The following HVCN1 variants were observed in gnomAD, a reference collection of about 807,000 sequenced individuals.
HVCN1 encodes hydrogen voltage gated channel 1.
Under a neutral mutation model 29.2 loss-of-function variants are expected in HVCN1, and 14 were observed. The observed-to-expected ratio is 0.48, with a 90% CI of 0.32 to 0.75. The LOEUF (loss-of-function observed/expected upper bound fraction) is 0.75, where lower values mean the gene tolerates loss of function less well. Ranked by LOEUF, HVCN1 falls within the 30% of genes least tolerant of loss-of-function variation. HVCN1 has a pLI of 0.04. For missense variants in HVCN1, 263 were observed against 341.8 expected (o/e 0.77, Z 1.82); for synonymous variants, 131 against 133.2 (o/e 0.98, Z 0.11).
chr12:110,653,716 C>T (rs911270423), intron 5 of HVCN1, among the ~76,000 whole-genome samples: 11 of 151,992 alleles, frequency 7.2e-5, no homozygotes, highest in Non-Finnish European at 1.5e-4. Context: ...GTGGCGGGCA[C>T]CTGTAATCCC....
intron 2 of HVCN1, among the ~76,000 whole-genome samples, chr12:110,685,689 G>GTT (rs2069153603): frequency 1.3e-5 from 2 of 150,996 alleles, no homozygotes; most frequent in Non-Finnish European, 3.0e-5. Flanking sequence ...TTTTGTTGTT[G>GTT]TTGTTTTGTT....
chr12:110,703,532 A>T (rs928699196), intron 1 of HVCN1, among the ~76,000 whole-genome samples: 8 of 152,130 alleles, frequency 5.3e-5, no homozygotes, highest in Non-Finnish European at 8.8e-5. Context: ...GATGAAACAA[A>T]TTTGGCTCCA....
intron 2 of HVCN1, among the ~76,000 whole-genome samples, chr12:110,698,500 G>A (rs1402418145): frequency 3.3e-5 from 5 of 152,192 alleles, no homozygotes; most frequent in African/African-American, 7.2e-5. Context: ...AGAGGCTTCC[G>A]CAGCCGCTGC....
upstream of HVCN1, among the ~76,000 whole-genome samples, chr12:110,694,125 C>G (rs996037093): frequency 3.3e-5 from 5 of 152,206 alleles, no homozygotes; most frequent in African/African-American, 1.2e-4. This position sits in a 1 kb window ranked among gnomAD's most constrained non-coding sequence, Gnocchi z 4.6. Flanking sequence ...TGCAGTGGTG[C>G]AATCACTACC....
intron 2 of HVCN1, among the ~76,000 whole-genome samples, chr12:110,686,576 T>C (rs1016734681): frequency 1.3e-5 from 2 of 152,146 alleles, no homozygotes; most frequent in Non-Finnish European, 2.9e-5. Flanking sequence ...GGAGATTTCC[T>C]ACCTTTGCAA....
In HVCN1 at chr12:110,648,981, A is replaced by AAAAT. The variant is rs2067639439; in HGVS notation, c.*425_*428dup. On this transcript the variant is annotated 3_prime_UTR_variant, in exon 8 of 8. Coordinates refer to ENST00000242607, the MANE Select transcript of HVCN1 (RefSeq NM_032369.4). ...AGACGAAGCTATTTAGAACAGCTTG[A>AAAAT]AAATAAGAGACTTTTCTAGAATGGG... The AAAAT allele has an allele frequency of 2.2e-6, 1 of 447,532 alleles. No homozygotes were observed. The highest frequency in any genetic ancestry group is 1.6e-5 in the South Asian group (1 of 60,738). 27.7% of individuals were successfully genotyped at this position (447,532 alleles called of 1,614,324 possible). A position where few individuals can be genotyped will look rare whatever the true frequency, so the allele number is the denominator to read the frequency against.
chr12:110,682,969 A>G (rs1256022403), intron 3 of HVCN1: 2 of 419,938 alleles, frequency 4.8e-6, no homozygotes, highest in Non-Finnish European at 8.6e-6. Context: ...CATCTCAAAA[A>G]AAAAAAAACA....
intron 3 of HVCN1, chr12:110,682,524 A>G (rs746568670): frequency 1.3e-5 from 2 of 152,300 alleles, no homozygotes; most frequent in Non-Finnish European, 2.9e-5. Flanking sequence ...GCCACTTTCT[A>G]GCTGTGTGAT....
intron 5 of HVCN1, among the ~76,000 whole-genome samples, chr12:110,654,458 T>TG (rs1373000800): frequency 3.1e-4 from 43 of 138,612 alleles, no homozygotes; most frequent in African/African-American, 1.0e-3. Context: ...TGGCGGGGGA[T>TG]GGGGGGGAAA....
chr12:110,656,228 T>C (rs1288789037), intron 4 of HVCN1, among the ~76,000 whole-genome samples: 1 of 152,080 alleles, frequency 6.6e-6, no homozygotes, highest in Admixed American at 6.5e-5. Context: ...CGTGTGCTCA[T>C]AGTGGGTGAA....
At chr12:110,683,927 G>GA (rs543302185) in intron 2 of HVCN1, among the ~76,000 whole-genome samples, 11,099 of 111,826 alleles carry the variant, frequency 0.099, 1,316 homozygotes, top group African/African-American at 0.31. Context: ...AAAAAAAAAG[G>GA]AAAAAAAAAA....
chr12:110,672,546 A>G (rs1373080203), intron 3 of HVCN1, among the ~76,000 whole-genome samples: 2 of 152,282 alleles, frequency 1.3e-5, no homozygotes, highest in East Asian at 3.9e-4. Context: ...CCAGGAGGAG[A>G]GAGGGACTGG....
chr12:110,682,058 G>T (rs2068998797), intron 3 of HVCN1, among the ~76,000 whole-genome samples: 1 of 152,080 alleles, frequency 6.6e-6, no homozygotes, highest in Non-Finnish European at 1.5e-5. Flanking sequence ...TGCGATCTTG[G>T]CTCACTGCAA....
At chr12:110,681,860 C>T (rs2068989238) in intron 3 of HVCN1, among the ~76,000 whole-genome samples, 1 of 152,102 alleles carries the variant, frequency 6.6e-6, no homozygotes, top group South Asian at 2.1e-4. Context: ...ATCTTCACAA[C>T]CAATGCCCCC....
At position 110,648,794 on chromosome 12, in the gene HVCN1, G is replaced by A. The variant is rs1471013357; in HGVS notation, c.*616C>T. 3.2e-6 allele frequency: 1 copy of A among 310,468 alleles called. No individual in the cohort carries two copies. The highest frequency in any genetic ancestry group is 5.2e-5 in the Admixed American group (1 of 19,332). The allele number at this position is 310,468 out of a possible 1,614,324, so 19.2% of individuals were successfully genotyped here. On this transcript the variant is annotated 3_prime_UTR_variant, in exon 8 of 8. Coordinates refer to ENST00000242607, the MANE Select transcript of HVCN1 (RefSeq NM_032369.4). Reference sequence around the variant, plus strand: ...AGTAGGAGGGTCCAGGGAAAAGAGAGAGTTTATTTTATACAGTAGTTGTTT... The same window carrying A: ...AGTAGGAGGGTCCAGGGAAAAGAGAAAGTTTATTTTATACAGTAGTTGTTT...
intron 3 of HVCN1, chr12:110,682,753 G>A (rs2069027254): frequency 1.0e-5 from 2 of 197,572 alleles, no homozygotes; most frequent in Non-Finnish European, 1.0e-5. Flanking sequence ...TTATTAACAT[G>A]CACTGTTCGA....
Position 110,701,886 on chromosome 12 carries a change from C to A in HVCN1, c.-104+423G>T, listed in dbSNP as rs1350519245. Among the ~76,000 whole-genome samples the A allele has an allele frequency of 3.4e-5, 5 of 145,504 alleles. No individual in the cohort carries two copies. In the South Asian group the frequency reaches 8.8e-4, roughly 26 times the overall value. ...ACAAAACAAAACAACAAGAACAAAACAACAACAACAACAACAACAACAACA... is the reference window on the plus strand; with the variant it reads ...ACAAAACAAAACAACAAGAACAAAAAAACAACAACAACAACAACAACAACA... On this transcript the variant is annotated intron_variant, in intron 2 of 4. Coordinates refer to the HVCN1 transcript ENST00000546713.
At chr12:110,650,696 T>A (rs1453557893) in intron 6 of HVCN1, among the ~76,000 whole-genome samples, 1 of 48,466 alleles carries the variant, frequency 2.1e-5, no homozygotes, top group Non-Finnish European at 3.8e-5. Context: ...AAGAGTCCAG[T>A]TTTTTTTTTT....
At chr12:110,651,667 G>A (rs955232484) in intron 5 of HVCN1, among the ~76,000 whole-genome samples, 1 of 152,216 alleles carries the variant, frequency 6.6e-6, no homozygotes, top group African/African-American at 2.4e-5. Context: ...TAGACCCTTT[G>A]GACCAGCAAT....
Sources: allele counts gnomAD v4.1 joint callset (sites outside exome capture counted in the v4.1 genomes callset), GRCh38; gene constraint gnomAD v4.1.1; non-coding constraint Gnocchi (gnomAD v3.1); transcripts MANE v1.5; gene names NCBI Gene and HGNC (gene_info 2026-07-23, HGNC 2026-07-21).